Variants in ESRP1 observed in about 807,000 individuals in gnomAD.
ESRP1 encodes epithelial splicing regulatory protein 1.
Under a neutral mutation model 81.7 loss-of-function variants are expected in ESRP1, and 33 were observed. The ratio of observed to expected loss-of-function variants is 0.40; its 90% CI spans 0.31 to 0.54. ESRP1 has a LOEUF of 0.54. ESRP1 is among the 20% of genes least tolerant of loss of function. ESRP1 has a pLI of 0.41. For synonymous variants in ESRP1, 320 were observed against 303.3 expected (o/e 1.06, Z -0.57); for missense variants, 672 against 833.1 (o/e 0.81, Z 2.38).
chr8:94,676,924 G>A (rs560520487), intron 12 of ESRP1, among the ~76,000 whole-genome samples: 9 of 152,002 alleles, frequency 5.9e-5, no homozygotes, highest in South Asian at 2.1e-4. Context: ...AGGCCAAGGC[G>A]GGCAGATCAC....
intron 13 of ESRP1, among the ~76,000 whole-genome samples, chr8:94,678,970 G>A (rs1010468306): frequency 7.2e-5 from 11 of 152,210 alleles, no homozygotes; most frequent in Non-Finnish European, 1.6e-4. Flanking sequence ...GGAGTTGGGA[G>A]ACTGAATGTT....
At chr8:94,659,135 C>T (rs2130592685) in intron 4 of ESRP1, among the ~76,000 whole-genome samples, 1 of 152,198 alleles carries the variant, frequency 6.6e-6, no homozygotes, top group East Asian at 1.9e-4. Context: ...CCCACCTCGG[C>T]CTCCCAAAGT....
chr8:94,703,087 T>C (rs1809903829), intron 15 of ESRP1, among the ~76,000 whole-genome samples: 2 of 150,768 alleles, frequency 1.3e-5, no homozygotes, highest in African/African-American at 4.9e-5. Context: ...GAGGAAACAT[T>C]ATCTCCTTCT....
At chr8:94,654,919 CAAAA>C (rs570390350) in intron 4 of ESRP1, among the ~76,000 whole-genome samples, 2 of 109,786 alleles carry the variant, frequency 1.8e-5, no homozygotes, top group Admixed American at 2.0e-4. Context: ...GATCCTGCCT[CAAAA>C]AAAAAAAAAG....
At chr8:94,667,285 T>C (rs745651913) in intron 9 of ESRP1, among the ~76,000 whole-genome samples, 5 of 151,658 alleles carry the variant, frequency 3.3e-5, no homozygotes, top group Non-Finnish European at 7.4e-5. Flanking sequence ...AGTGTATGAG[T>C]TTCAAAGATA....
In ESRP1 at chr8:94,696,902, A is replaced by G. The variant is rs1409327217; in HGVS notation, c.2022A>G (p.Leu674=). 1.3e-6 allele frequency: 2 copies of G among 1,594,186 alleles called. No individual in the cohort carries two copies. The highest frequency in any genetic ancestry group is 1.7e-6 in the Non-Finnish European group (2 of 1,169,582). The change falls in exon 15 of 16, where the codon CTA becomes CTG. Residue 674 remains leucine (L), a synonymous_variant. Coordinates refer to ENST00000433389, the MANE Select transcript of ESRP1 (RefSeq NM_017697.4). Reference sequence around the variant, plus strand: ...ACACAAATGACCAGGCCAGGACTCTACCCAAAGAATGGGTTTGTATTTAAG... The same window carrying G: ...ACACAAATGACCAGGCCAGGACTCTGCCCAAAGAATGGGTTTGTATTTAAG... ...LIHTNDQART[L]PKEWVCI
chr8:94,671,036 G>A (rs1156459671), intron 10 of ESRP1, among the ~76,000 whole-genome samples: 1 of 152,138 alleles, frequency 6.6e-6, no homozygotes, highest in East Asian at 1.9e-4. Flanking sequence ...TTAGTGAAAT[G>A]ATATATTTCT....
intron 2 of ESRP1, among the ~76,000 whole-genome samples, chr8:94,642,778 C>T (rs1817678925): frequency 6.6e-6 from 1 of 152,152 alleles, no homozygotes; most frequent in Admixed American, 6.5e-5. Flanking sequence ...GCGCTAAACA[C>T]CTGTGCACAG....
intron 14 of ESRP1, among the ~76,000 whole-genome samples, chr8:94,693,509 C>A (rs1331335545): frequency 2.0e-5 from 3 of 152,200 alleles, no homozygotes; most frequent in Non-Finnish European, 4.4e-5. Context: ...AAGCAGATAG[C>A]TTTCTTTCCT....
chr8:94,669,699 C>G (rs1378897717), intron 10 of ESRP1, among the ~76,000 whole-genome samples: 1 of 151,796 alleles, frequency 6.6e-6, no homozygotes, highest in Non-Finnish European at 1.5e-5. Flanking sequence ...AACTCCATCT[C>G]TGCTGAAAAT....
At chr8:94,664,633 G>C (rs149179349) in intron 6 of ESRP1, 64 bp from the exon 7 acceptor site, 2 of 1,139,506 alleles carry the variant, frequency 1.8e-6, no homozygotes, top group African/African-American at 3.0e-5. Flanking sequence ...TGTCTTGCAG[G>C]GGGTAATAGG....
intron 10 of ESRP1, among the ~76,000 whole-genome samples, chr8:94,669,752 C>T (rs2130634409): frequency 6.6e-6 from 1 of 151,874 alleles, no homozygotes; most frequent in Admixed American, 6.6e-5. Flanking sequence ...CGCCTTTAGT[C>T]CCAGCTACTC....
Position 94,657,927 on chromosome 8 carries a change from T to C in ESRP1, c.491-4345T>C, listed in dbSNP as rs1449868615. Among the ~76,000 whole-genome samples, 4 of 152,234 alleles carry C rather than the reference T, an allele frequency of 2.6e-5. No individual in the cohort carries two copies. In the East Asian group the frequency reaches 7.7e-4, roughly 29 times the overall value. On this transcript the variant is annotated intron_variant, in intron 4 of 15. Transcript: ENST00000433389. ...ACATCACTCAATCCCAGTGGTTTGT[T>C]TGCGATGGAGTCTTGCTCTGTTACC... is the stretch of plus-strand genomic sequence containing the variant.
intron 13 of ESRP1, among the ~76,000 whole-genome samples, chr8:94,681,121 A>G (rs548140486): frequency 2.6e-5 from 4 of 151,420 alleles, no homozygotes; most frequent in Non-Finnish European, 5.9e-5. Flanking sequence ...GTCAGGAGAT[A>G]GAGACCATCC....
rs115896892 is a variant in ESRP1, at chr8:94,685,236, G to T, written c.1820+6865G>T. 8.5e-3 allele frequency among the ~76,000 whole-genome samples: 1,292 copies of T among 152,092 alleles called. 25 individuals are homozygous for T. The highest frequency in any genetic ancestry group is 0.029 in the African/African-American group (1,217 of 41,488). On this transcript the variant is annotated intron_variant, in intron 13 of 15. Coordinates refer to ENST00000433389, the MANE Select transcript of ESRP1 (RefSeq NM_017697.4). ...CATATATTATGAGTATGTTGATGTG[G>T]TGGGCATCTTGGCATCCAGTATGTT...
Position 94,643,370 on chromosome 8 carries a change from G to T in ESRP1, c.329G>T (p.Gly110Val). ...VGTSFCLCTD[G>V]QLHVRQILHP... is the part of the protein sequence containing the mutation. ...ACTTCCTTCTGTCTCTGTACTGATG[G>T]GCAGCTTCATGTCAGGCAAATCCTG... Residue 110 changes from glycine to valine, a missense_variant, in exon 3 of 16, where the codon GGG becomes GTG. By Grantham distance (109) the Gly-to-Val change is moderately radical (BLOSUM62 -3). Coordinates refer to ENST00000433389, the MANE Select transcript of ESRP1 (RefSeq NM_017697.4). 6.2e-7 allele frequency: 1 copy of T among 1,613,816 alleles called. No homozygotes were observed. The highest frequency in any genetic ancestry group is 8.5e-7 in the Non-Finnish European group (1 of 1,179,754).
chr8:94,679,026 C>T (rs941095828), intron 13 of ESRP1, among the ~76,000 whole-genome samples: 28 of 152,232 alleles, frequency 1.8e-4, no homozygotes, highest in South Asian at 2.1e-4. Context: ...AGTACATGCA[C>T]GAGCATGTAA....
chr8:94,662,636 C>G (rs1818808073), intron 6 of ESRP1, 81 bp downstream of exon 6: 1 of 1,219,738 alleles, frequency 8.2e-7, no homozygotes, highest in Admixed American at 2.4e-5. Flanking sequence ...GAGACAGAGT[C>G]TTGCTCTGTC....
intron 9 of ESRP1, among the ~76,000 whole-genome samples, chr8:94,667,068 G>GGGGGTGTGTGTGTGTGTGTGTGT (rs1554577644): frequency 6.9e-6 from 1 of 144,244 alleles, no homozygotes; most frequent in African/African-American, 2.6e-5. Context: ...CCAGGAGAGG[G>GGGGGTGTGTGTGTGTGTGTGTGT]GTGTGTGTGT....
Sources: gnomAD v4.1 joint callset for allele counts (sites outside exome capture counted in the v4.1 genomes callset) on GRCh38, gnomAD v4.1.1 for gene constraint, MANE v1.5 for transcripts, NCBI Gene and HGNC (gene_info 2026-07-23, HGNC 2026-07-21) for gene names.